Variants in IMMP2L observed in about 807,000 individuals in gnomAD.
IMMP2L encodes mitochondrial inner membrane protease subunit 2.
A neutral mutation model predicts 19.3 loss-of-function variants in IMMP2L; 18 were observed. The observed-to-expected ratio is 0.93, with a 90% CI of 0.64 to 1.38. The LOEUF (loss-of-function observed/expected upper bound fraction) is 1.38. IMMP2L is among the 40% of genes most tolerant of loss of function. The pLI is 0.00. For missense variants in IMMP2L, 233 were observed against 218.2 expected (o/e 1.07, Z -0.43); for synonymous variants, 76 against 73.0 (o/e 1.04, Z -0.21).
chr7:111,523,815 G>A (rs977222421), intron 1 of IMMP2L, among the ~76,000 whole-genome samples: 5 of 152,162 alleles, frequency 3.3e-5, no homozygotes, highest in East Asian at 1.9e-4. Context: ...TTGTTTCTGC[G>A]AGCAGTCTTA....
intron 5 of IMMP2L, among the ~76,000 whole-genome samples, chr7:110,787,356 C>T: frequency 6.6e-6 from 1 of 151,908 alleles, no homozygotes; most frequent in South Asian, 2.1e-4. Context: ...GATTTTCAGT[C>T]CTCTCTCCTG....
rs555019414 is a variant in IMMP2L at position 110,746,178 on chromosome 7, A to C, written c.409-82457T>G. Among the ~76,000 whole-genome samples, 23 of 152,346 alleles carry C rather than the reference A, an allele frequency of 1.5e-4. No homozygotes were observed. In the East Asian group the frequency reaches 4.2e-3, roughly 28 times the overall value. ...CAAAGAAGGACATTACATAATGGGA[A>C]AGGGATCAATGCAACAAGAAGAGCT... On this transcript the variant is annotated intron_variant, in intron 5 of 5. Coordinates refer to ENST00000405709, the MANE Select transcript of IMMP2L (RefSeq NM_032549.4).
At chr7:111,087,878 C>T (rs1796493197) in intron 3 of IMMP2L, among the ~76,000 whole-genome samples, 1 of 152,110 alleles carries the variant, frequency 6.6e-6, no homozygotes, top group Admixed American at 6.5e-5. Context: ...TTCAAGACTA[C>T]TATATTTCAG....
intron 3 of IMMP2L, among the ~76,000 whole-genome samples, chr7:111,017,069 A>T (rs950186868): frequency 7.0e-6 from 1 of 142,360 alleles, no homozygotes. Flanking sequence ...ATGTGCCTTT[A>T]TTTATTTATT....
At chr7:111,498,021 A>G (rs1843756502) in intron 2 of IMMP2L, among the ~76,000 whole-genome samples, 1 of 151,932 alleles carries the variant, frequency 6.6e-6, no homozygotes, top group Non-Finnish European at 1.5e-5. Context: ...TATTAATGTA[A>G]GCACTAAGCA....
intron 3 of IMMP2L, among the ~76,000 whole-genome samples, chr7:111,279,829 G>T (rs868274906): frequency 9.6e-4 from 146 of 152,194 alleles, no homozygotes; most frequent in African/African-American, 3.4e-3. Context: ...CCATGATGCA[G>T]CATATAGAGA....
intron 1 of IMMP2L, among the ~76,000 whole-genome samples, chr7:111,540,288 T>C (rs1203652216): frequency 3.9e-5 from 6 of 152,188 alleles, no homozygotes; most frequent in African/African-American, 1.2e-4. Context: ...TTTGATCTGC[T>C]GGTGAACACA....
At chr7:111,019,663 G>A (rs1826076396) in intron 3 of IMMP2L, among the ~76,000 whole-genome samples, 1 of 152,170 alleles carries the variant, frequency 6.6e-6, no homozygotes, top group African/African-American at 2.4e-5. Flanking sequence ...ACAAAAGAAA[G>A]TCAGACTCCT....
At chr7:111,357,498 C>T (rs1030809394) in intron 3 of IMMP2L, among the ~76,000 whole-genome samples, 9 of 152,044 alleles carry the variant, frequency 5.9e-5, no homozygotes, top group South Asian at 4.2e-4. Context: ...TTTACATAGC[C>T]CCCTAACCAT....
intron 4 of IMMP2L, among the ~76,000 whole-genome samples, chr7:110,897,162 A>G (rs1021752386): frequency 2.6e-5 from 4 of 152,174 alleles, no homozygotes; most frequent in South Asian, 2.1e-4. Context: ...CTGTAAAATA[A>G]CATACGAAAA....
chr7:111,164,870 G>A (rs1240354691), intron 3 of IMMP2L, among the ~76,000 whole-genome samples: 1 of 151,926 alleles, frequency 6.6e-6, no homozygotes, highest in Non-Finnish European at 1.5e-5. Context: ...TGTGGTTTTT[G>A]TAGCTTTCTT....
chr7:111,050,877 A>T (rs12674169), intron 3 of IMMP2L, among the ~76,000 whole-genome samples: 116,506 of 152,214 alleles, frequency 0.77, 47,558 homozygotes, highest in Non-Finnish European at 0.9. Context: ...ATATATTCAA[A>T]CTGTTTTAGT....
chr7:110,891,889 A>G (rs1355099850), intron 4 of IMMP2L, among the ~76,000 whole-genome samples: 1 of 152,202 alleles, frequency 6.6e-6, no homozygotes, highest in African/African-American at 2.4e-5. Context: ...AAAATGTAAC[A>G]TCTGTGTAAT....
chr7:111,305,874 A>T (rs1455116551), intron 3 of IMMP2L, among the ~76,000 whole-genome samples: 2 of 152,180 alleles, frequency 1.3e-5, no homozygotes, highest in Admixed American at 6.5e-5. Flanking sequence ...TTACACAAAA[A>T]GTGGTTGATA....
chr7:111,515,860 TCA>T (rs1845831300), intron 2 of IMMP2L, among the ~76,000 whole-genome samples: 2 of 152,100 alleles, frequency 1.3e-5, no homozygotes, highest in Non-Finnish European at 2.9e-5. Flanking sequence ...TACTACAGAA[TCA>T]TACCAAAATT....
chr7:111,052,011 A>G (rs962471277), intron 3 of IMMP2L, among the ~76,000 whole-genome samples: 1 of 152,256 alleles, frequency 6.6e-6, no homozygotes, highest in African/African-American at 2.4e-5. Context: ...ACAAATGACC[A>G]GCATTAACAT....
chr7:111,111,947 T>TTG (rs1563254681), intron 3 of IMMP2L, among the ~76,000 whole-genome samples: 1 of 131,280 alleles, frequency 7.6e-6, no homozygotes, highest in African/African-American at 2.9e-5. Flanking sequence ...AGTTTGTTTT[T>TTG]TTTTTTTTTT....
At chr7:111,259,742 C>T (rs989525779) in intron 3 of IMMP2L, among the ~76,000 whole-genome samples, 1 of 150,738 alleles carries the variant, frequency 6.6e-6, no homozygotes, top group Non-Finnish European at 1.5e-5. Context: ...TTTGTAATAA[C>T]ACAGCTTAAA....
chr7:111,089,479 C>T (rs1796629757), intron 3 of IMMP2L, among the ~76,000 whole-genome samples: 1 of 151,936 alleles, frequency 6.6e-6, no homozygotes, highest in African/African-American at 2.4e-5. Context: ...CCTGCAGATA[C>T]TGAAATAATT....
Sources: allele counts gnomAD v4.1 joint callset (sites outside exome capture counted in the v4.1 genomes callset), GRCh38; gene constraint gnomAD v4.1.1; transcripts MANE v1.5; gene names NCBI Gene and HGNC (gene_info 2026-07-23, HGNC 2026-07-21).